The following PTPRD variants were observed in gnomAD, a reference collection of about 807,000 sequenced individuals.
PTPRD encodes protein tyrosine phosphatase receptor type D, also known as receptor-type tyrosine-protein phosphatase delta.
A neutral mutation model predicts 214.5 loss-of-function variants in PTPRD; 34 were observed. The observed-to-expected ratio is 0.16, with a 90% CI of 0.12 to 0.21. PTPRD has a LOEUF of 0.21. Ranked by LOEUF, PTPRD falls within the 10% of genes least tolerant of loss-of-function variation. PTPRD has a pLI of 1.00. For missense variants in PTPRD, 2,545 were observed against 2,398.7 expected (o/e 1.06, Z -1.27); for synonymous variants, 1,128 against 845.7 (o/e 1.33, Z -5.79).
chr9:10,300,815 G>C (rs923141577), intron 3 of PTPRD, among the ~76,000 whole-genome samples: 2 of 152,140 alleles, frequency 1.3e-5, no homozygotes, highest in African/African-American at 4.8e-5. Flanking sequence ...AGCACCTGGG[G>C]GAAGGGGCGG....
chr9:10,249,574 T>C (rs1334914362), intron 3 of PTPRD, among the ~76,000 whole-genome samples: 1 of 152,194 alleles, frequency 6.6e-6, no homozygotes, highest in East Asian at 1.9e-4. Flanking sequence ...TAAAGAAACT[T>C]ATCTGAAATT....
intron 7 of PTPRD, among the ~76,000 whole-genome samples, chr9:9,712,077 T>G (rs577585179): frequency 6.6e-6 from 1 of 152,320 alleles, no homozygotes; most frequent in East Asian, 1.9e-4. Flanking sequence ...AACAAGTTTT[T>G]CGTTGATTTT....
intron 5 of PTPRD, among the ~76,000 whole-genome samples, chr9:9,920,286 GTCT>G (rs1346369276): frequency 6.6e-6 from 1 of 151,992 alleles, no homozygotes; most frequent in East Asian, 1.9e-4. Context: ...AAGCTGATTT[GTCT>G]TCTTGTTTAC....
At chr9:10,567,758 C>A (rs984980676) in intron 2 of PTPRD, among the ~76,000 whole-genome samples, 1 of 151,492 alleles carries the variant, frequency 6.6e-6, no homozygotes, top group Non-Finnish European at 1.5e-5. Flanking sequence ...TATATATATA[C>A]ATATATATTT....
chr9:8,740,242 G>A (rs558110475), intron 11 of PTPRD, among the ~76,000 whole-genome samples: 1 of 152,222 alleles, frequency 6.6e-6, no homozygotes, highest in South Asian at 2.1e-4. Flanking sequence ...AGTAGAAATA[G>A]TGTTAACGAA....
chr9:8,330,240 G>A (rs1405628360), intron 44 of PTPRD, among the ~76,000 whole-genome samples: 1 of 152,132 alleles, frequency 6.6e-6, no homozygotes, highest in Non-Finnish European at 1.5e-5. Flanking sequence ...GATGAAATGG[G>A]AAACGCAGAA....
chr9:9,625,923 C>T (rs182204301), intron 7 of PTPRD, among the ~76,000 whole-genome samples: 24 of 152,214 alleles, frequency 1.6e-4, no homozygotes, highest in Non-Finnish European at 3.2e-4. Flanking sequence ...CTGTAAAAGG[C>T]TAGATGATAA....
intron 10 of PTPRD, among the ~76,000 whole-genome samples, chr9:9,129,894 G>GT (rs1221858936): frequency 1.3e-5 from 2 of 152,212 alleles, no homozygotes; most frequent in East Asian, 1.9e-4. Context: ...CCACTTACCA[G>GT]TTTTTTTATT....
intron 2 of PTPRD, among the ~76,000 whole-genome samples, chr9:10,485,028 A>T (rs2099123655): frequency 1.3e-5 from 2 of 149,432 alleles, no homozygotes; most frequent in South Asian, 4.2e-4. Context: ...TTTTTACTTG[A>T]TTTTTTTTTT....
At chr9:8,791,714 G>A (rs1291461480) in intron 11 of PTPRD, among the ~76,000 whole-genome samples, 1 of 151,852 alleles carries the variant, frequency 6.6e-6, no homozygotes, top group African/African-American at 2.4e-5. Flanking sequence ...TGAGGGGAAA[G>A]AAAGGAACGT....
In PTPRD at chr9:9,074,474, G is replaced by A. The variant is rs182467471; in HGVS notation, c.-142-55739C>T. On this transcript the variant is annotated intron_variant, in intron 10 of 45. Coordinates refer to ENST00000381196, the MANE Select transcript of PTPRD (RefSeq NM_002839.4). ...TGGGATTATTGTAGAATTCTGAGAA[G>A]TGATCAAAATTGAGACTTGTAATTT... 2.8e-4 allele frequency among the ~76,000 whole-genome samples: 43 copies of A among 152,176 alleles called. 1 individual carries two copies. Among genetic ancestry groups the A allele is most frequent in the Non-Finnish European group, 1.5e-5 (1 of 67,962 alleles).
At chr9:8,659,336 T>G (rs1201448603) in intron 12 of PTPRD, among the ~76,000 whole-genome samples, 2 of 152,192 alleles carry the variant, frequency 1.3e-5, no homozygotes, top group East Asian at 3.9e-4. Context: ...ATGTTCCAGC[T>G]GAAAACTGAT....
At chr9:9,492,933 T>C (rs1164428887) in intron 8 of PTPRD, among the ~76,000 whole-genome samples, 2 of 147,362 alleles carry the variant, frequency 1.4e-5, no homozygotes, top group East Asian at 2.0e-4. Context: ...TGGGGCACCA[T>C]GAACCCAACC....
In PTPRD at chr9:8,359,290, GA is replaced by G. The variant is rs2077851124; in HGVS notation, c.4661+16645del. On this transcript the variant is annotated intron_variant, in intron 39 of 45. Coordinates refer to ENST00000381196, the MANE Select transcript of PTPRD (RefSeq NM_002839.4). ...GGCCCCACCCCAACCTAGAGAATCAGAAACTCAAGGGGTGGGGTCAAGCAGT... is the reference window on the plus strand; with the variant it reads ...GGCCCCACCCCAACCTAGAGAATCAGAACTCAAGGGGTGGGGTCAAGCAGT... Among the ~76,000 whole-genome samples the G allele has an allele frequency of 2.0e-5, 3 of 151,766 alleles. No homozygotes were observed. In the South Asian group the frequency reaches 6.3e-4, roughly 32 times the overall value.
intron 3 of PTPRD, among the ~76,000 whole-genome samples, chr9:10,102,529 GATT>G (rs1166870118): frequency 6.6e-6 from 1 of 151,250 alleles, no homozygotes; most frequent in East Asian, 1.9e-4. Context: ...TCCCTTGCTG[GATT>G]ATTATTATAT....
At chr9:8,928,235 T>G (rs2154277887) in intron 11 of PTPRD, among the ~76,000 whole-genome samples, 1 of 152,328 alleles carries the variant, frequency 6.6e-6, no homozygotes, top group African/African-American at 2.4e-5. Context: ...TTATGGCTTT[T>G]GTTGCCATTG....
rs541996135 is a variant in PTPRD at position 10,258,720 on chromosome 9, G to A, written c.-545+82243C>T. On this transcript the variant is annotated intron_variant, in intron 3 of 45. Coordinates refer to ENST00000381196, the MANE Select transcript of PTPRD (RefSeq NM_002839.4). The stretch of plus-strand genomic sequence containing the variant: ...TATAGGCACTAGAGTGTGGTTTCAG[G>A]TTTCAGTCAGGTATCGTTTTGTATC... Among the ~76,000 whole-genome samples, 51 of 152,030 alleles carry A rather than the reference G, an allele frequency of 3.4e-4. 1 individual carries two copies. The South Asian group carries it at 0.01, about 30-fold the overall frequency.
At position 10,062,417 on chromosome 9, in the gene PTPRD, C is replaced by A. The variant is rs536313639; in HGVS notation, c.-544-28627G>T. ...GGTCAGGAGTTCAAAACCAGCCTGG[C>A]CAACATGGTGAAACCCCGTCTCTAC... On this transcript the variant is annotated intron_variant, in intron 3 of 45. Coordinates refer to ENST00000381196, the MANE Select transcript of PTPRD (RefSeq NM_002839.4). Among the ~76,000 whole-genome samples the A allele has an allele frequency of 3.3e-5, 5 of 152,072 alleles. No homozygotes were observed. The East Asian group carries it at 9.8e-4, about 30-fold the overall frequency.
At chr9:10,069,148 G>A (rs2097942931) in intron 3 of PTPRD, among the ~76,000 whole-genome samples, 1 of 151,928 alleles carries the variant, frequency 6.6e-6, no homozygotes, top group Non-Finnish European at 1.5e-5. Flanking sequence ...CTGTGGCATT[G>A]TGCAGCTTCC....
Sources: gnomAD v4.1 joint callset for allele counts (sites outside exome capture counted in the v4.1 genomes callset) on GRCh38, gnomAD v4.1.1 for gene constraint, MANE v1.5 for transcripts, NCBI Gene and HGNC (gene_info 2026-07-23, HGNC 2026-07-21) for gene names.